Variants in PPFIBP1 observed in about 807,000 individuals in gnomAD.
PPFIBP1 encodes the protein liprin-beta-1.
PPFIBP1 carries 112 observed loss-of-function variants against 137.8 expected under a neutral mutation model. The observed-to-expected ratio is 0.81, with a 90% CI of 0.70 to 0.95. The LOEUF (loss-of-function observed/expected upper bound fraction) is 0.95, where lower values mean the gene tolerates loss of function less well. Ranked by LOEUF, PPFIBP1 falls within the 40% of genes least tolerant of loss-of-function variation. The probability of loss-of-function intolerance (pLI) is 0.00; values close to 1 mark genes in which losing one functional copy is unlikely to be tolerated. For synonymous variants in PPFIBP1, 378 were observed against 417.3 expected, an observed-to-expected ratio of 0.91 and a Z score of 1.15; for missense variants, 1,083 against 1,196.6, an observed-to-expected ratio of 0.91 and a Z score of 1.40.
At chr12:27,608,634 C>G in intron 2 of PPFIBP1, 1 of 416,880 alleles carries the variant, frequency 2.4e-6, no homozygotes, top group Non-Finnish European at 4.5e-6. Flanking sequence ...ATTTCTAGAA[C>G]TACTAAAAAA....
At chr12:27,637,835 C>T (rs2057795166) in intron 4 of PPFIBP1, among the ~76,000 whole-genome samples, 1 of 152,064 alleles carries the variant, frequency 6.6e-6, no homozygotes, top group South Asian at 2.1e-4. Flanking sequence ...AGATTATATA[C>T]TTATAATTTA....
At chr12:27,583,299 G>A (rs2051329812) in intron 2 of PPFIBP1, among the ~76,000 whole-genome samples, 1 of 152,176 alleles carries the variant, frequency 6.6e-6, no homozygotes, top group Non-Finnish European at 1.5e-5. Flanking sequence ...GATGCTTCTG[G>A]TTCTAAGCAT....
At chr12:27,647,584 CT>C in intron 5 of PPFIBP1, 144 bp from the exon 6 acceptor site, 1 of 537,948 alleles carries the variant, frequency 1.9e-6, no homozygotes, top group Non-Finnish European at 3.3e-6. Flanking sequence ...GGACCACTGT[CT>C]TCTTGGTACT....
chr12:27,525,886 G>A (rs1943692833), intron 1 of PPFIBP1, among the ~76,000 whole-genome samples: 2 of 152,104 alleles, frequency 1.3e-5, no homozygotes, highest in Non-Finnish European at 2.9e-5. Context: ...GTTAGTTCCT[G>A]AAAAAATTAA....
intron 7 of PPFIBP1, among the ~76,000 whole-genome samples, chr12:27,653,586 T>TA (rs11306083): frequency 3.5e-4 from 38 of 107,594 alleles, no homozygotes; most frequent in African/African-American, 1.2e-3. Context: ...GACTCCATCT[T>TA]AAAAAAAAAA....
chr12:27,526,280 T>C (rs1178840695), intron 1 of PPFIBP1, among the ~76,000 whole-genome samples: 1 of 152,234 alleles, frequency 6.6e-6, no homozygotes, highest in Non-Finnish European at 1.5e-5. Flanking sequence ...ATTTACACTT[T>C]CTTTCCAAGA....
At chr12:27,577,802 T>A (rs2050698407) in intron 1 of PPFIBP1, among the ~76,000 whole-genome samples, 1 of 152,200 alleles carries the variant, frequency 6.6e-6, no homozygotes. Context: ...GTTCATTCAT[T>A]TACTCAACAA....
intron 1 of PPFIBP1, among the ~76,000 whole-genome samples, chr12:27,577,110 G>A (rs747236924): frequency 2.0e-5 from 3 of 152,034 alleles, no homozygotes; most frequent in Non-Finnish European, 4.4e-5. Flanking sequence ...TTGATGGGGT[G>A]TTGAGAAATT....
chr12:27,626,955 T>C (rs1441988978), intron 2 of PPFIBP1, among the ~76,000 whole-genome samples: 1 of 152,108 alleles, frequency 6.6e-6, no homozygotes, highest in Non-Finnish European at 1.5e-5. Context: ...CTGGTTTGGG[T>C]TTTGTTTTAA....
chr12:27,622,354 A>G (rs1209391585), intron 2 of PPFIBP1, among the ~76,000 whole-genome samples: 2 of 152,260 alleles, frequency 1.3e-5, no homozygotes, highest in Non-Finnish European at 2.9e-5. Context: ...CTAAAATTCA[A>G]TTTAAAAAGA....
intron 1 of PPFIBP1, among the ~76,000 whole-genome samples, chr12:27,539,399 G>A (rs548645596): frequency 6.6e-6 from 1 of 152,316 alleles, no homozygotes; most frequent in African/African-American, 2.4e-5. Flanking sequence ...GATATTCCTG[G>A]TAAACTTCCT....
At chr12:27,574,077 G>A (rs145317376) in intron 1 of PPFIBP1, among the ~76,000 whole-genome samples, 584 of 151,810 alleles carry the variant, frequency 3.8e-3, no homozygotes, top group Middle Eastern at 6.8e-3. Context: ...GTTTTCTCTC[G>A]ATTTATTTGG....
intron 1 of PPFIBP1, among the ~76,000 whole-genome samples, chr12:27,560,754 C>T (rs1203368144): frequency 6.6e-6 from 1 of 152,194 alleles, no homozygotes; most frequent in Non-Finnish European, 1.5e-5. Flanking sequence ...CTAAATCCAG[C>T]CCTCCTGGTC....
At chr12:27,669,919 A>G (rs2060078515) in intron 13 of PPFIBP1, among the ~76,000 whole-genome samples, 1 of 152,144 alleles carries the variant, frequency 6.6e-6, no homozygotes, top group Admixed American at 6.5e-5. Context: ...AGATGGTTGG[A>G]GCTCAAGGGT....
At chr12:27,673,625 A>G (rs2060333177) in intron 15 of PPFIBP1, 142 bp from the exon 16 acceptor site, 2 of 659,594 alleles carry the variant, frequency 3.0e-6, no homozygotes, top group East Asian at 2.7e-5. Context: ...AGTGAAGCAC[A>G]TAAGTGACTG....
At chr12:27,679,890 C>T (rs1233247061) in intron 20 of PPFIBP1, 43 bp from the exon 21 acceptor site, 2 of 1,607,700 alleles carry the variant, frequency 1.2e-6, no homozygotes, top group South Asian at 1.1e-5. Flanking sequence ...AAGTCTAAGG[C>T]CTCCTCAGGT....
chr12:27,688,884 C>G, intron 26 of PPFIBP1, 131 bp from the exon 27 acceptor site: 1 of 794,968 alleles, frequency 1.3e-6, no homozygotes. Context: ...CATATTGTGT[C>G]TACCTCACCG....
Position 27,630,357 on chromosome 12 carries a change from C to T in PPFIBP1, c.-35-3005C>T, listed in dbSNP as rs113431948. On this transcript the variant is annotated intron_variant, in intron 2 of 29. Transcript: ENST00000228425. Reference sequence around the variant, plus strand: ...AAACATTTGTGCTTGTTATGACTTCCTGATGAATTAACACTTATCATTGTA... The same window carrying T: ...AAACATTTGTGCTTGTTATGACTTCTTGATGAATTAACACTTATCATTGTA... Among the ~76,000 whole-genome samples, 51 of 152,170 alleles carry T rather than the reference C, an allele frequency of 3.4e-4. 1 individual carries two copies. The highest frequency in any genetic ancestry group is 1.2e-3 in the African/African-American group (49 of 41,534).
intron 1 of PPFIBP1, among the ~76,000 whole-genome samples, chr12:27,530,276 C>T (rs764341733): frequency 7.2e-5 from 11 of 151,956 alleles, no homozygotes; most frequent in South Asian, 6.2e-4. Flanking sequence ...TGTGGGTTCT[C>T]GAAATTAACT....
Sources: gnomAD v4.1 joint callset for allele counts (sites outside exome capture counted in the v4.1 genomes callset) on GRCh38, gnomAD v4.1.1 for gene constraint, MANE v1.5 for transcripts, NCBI Gene and HGNC (gene_info 2026-07-23, HGNC 2026-07-21) for gene names.